The following CUEDC1 variants were observed in gnomAD, a reference collection of about 807,000 sequenced individuals.
CUEDC1 encodes the protein CUE domain-containing protein 1.
CUEDC1 carries 30 observed loss-of-function variants against 43.7 expected under a neutral mutation model. That is an observed-to-expected ratio of 0.69 (90% CI 0.51 to 0.93). CUEDC1 has a LOEUF of 0.93. CUEDC1 is among the 40% of genes least tolerant of loss of function. CUEDC1 has a pLI of 0.00. For synonymous variants in CUEDC1, 223 were observed against 223.6 expected, an observed-to-expected ratio of 1.00 and a Z score of 0.02; for missense variants, 486 against 549.0, an observed-to-expected ratio of 0.89 and a Z score of 1.15.
At chr17:57,863,905 G>A (rs747038913) in intron 10 of CUEDC1, among the ~76,000 whole-genome samples, 7 of 150,968 alleles carry the variant, frequency 4.6e-5, no homozygotes, top group Non-Finnish European at 8.8e-5. Context: ...GGAGGCTGAG[G>A]CAGGAGAATG....
At chr17:57,939,634 T>C (rs1288532612) in intron 1 of CUEDC1, among the ~76,000 whole-genome samples, 1 of 152,098 alleles carries the variant, frequency 6.6e-6, no homozygotes, top group Non-Finnish European at 1.5e-5. Flanking sequence ...GAGGACCGCC[T>C]CTACTCCCAT....
chr17:57,872,687 C>T lies in CUEDC1; in HGVS notation c.760G>A (p.Asp254Asn), dbSNP rs773470741. 1.9e-6 allele frequency: 3 copies of T among 1,614,114 alleles called. No individual in the cohort carries two copies. The Admixed American group carries it at 5.0e-5, about 27-fold the overall frequency. The change falls in exon 5 of 11, where the codon GAC becomes AAC. Residue 254 changes from aspartate to asparagine, a missense_variant. Asp to Asn is a conservative substitution (Grantham distance 23). Transcript: ENST00000577830. ...CCTCTCTCCAGAGCGAGGAGGAAGT[C>T]GCGGTTCCGTTGCAGCTCCTTCATG... is the stretch of plus-strand genomic sequence containing the variant. ...EFMKELQRNR[D>N]FLLALERDRL...
chr17:57,927,532 A>G (rs991102609), intron 1 of CUEDC1, among the ~76,000 whole-genome samples: 1 of 152,190 alleles, frequency 6.6e-6, no homozygotes, highest in African/African-American at 2.4e-5. Context: ...AGGGCTCTCC[A>G]TGCCTGAAGC....
intron 2 of CUEDC1, among the ~76,000 whole-genome samples, chr17:57,883,857 T>C (rs918039392): frequency 6.6e-6 from 1 of 152,200 alleles, no homozygotes; most frequent in Non-Finnish European, 1.5e-5. Context: ...CATGGCTGCA[T>C]GTCCCAGATG....
At chr17:57,905,277 C>CAT (rs1555565850) in intron 1 of CUEDC1, among the ~76,000 whole-genome samples, 2,400 of 151,144 alleles carry the variant, frequency 0.016, 77 homozygotes, top group African/African-American at 0.054. Context: ...CACACACACA[C>CAT]ACACACACAC....
chr17:57,935,378 G>GAGAC, intron 1 of CUEDC1, among the ~76,000 whole-genome samples: 1 of 142,178 alleles, frequency 7.0e-6, no homozygotes, highest in South Asian at 2.3e-4. Context: ...CCTTCCATTA[G>GAGAC]ACACACACAC....
chr17:57,909,914 C>T (rs568481242), intron 1 of CUEDC1, among the ~76,000 whole-genome samples: 10 of 152,352 alleles, frequency 6.6e-5, no homozygotes, highest in Admixed American at 5.2e-4. Flanking sequence ...GAGAACCCAA[C>T]GGTCAGGCTG....
At chr17:57,951,153 C>T (rs767882869) in intron 1 of CUEDC1, among the ~76,000 whole-genome samples, 1 of 144,244 alleles carries the variant, frequency 6.9e-6, no homozygotes, top group Non-Finnish European at 1.5e-5. Context: ...ACAGTTTTTA[C>T]CAAAGATTTT....
intron 1 of CUEDC1, among the ~76,000 whole-genome samples, chr17:57,951,221 A>C (rs2075003845): frequency 6.6e-6 from 1 of 152,082 alleles, no homozygotes; most frequent in Non-Finnish European, 1.5e-5. Flanking sequence ...AATAATAATA[A>C]TAGCTTCGAT....
At chr17:57,865,970 T>C (rs911691930) in intron 10 of CUEDC1, among the ~76,000 whole-genome samples, 1 of 151,942 alleles carries the variant, frequency 6.6e-6, no homozygotes, top group African/African-American at 2.4e-5. Context: ...TTACAGGCGC[T>C]TGCCACCACG....
At position 57,862,107 on chromosome 17, in the gene CUEDC1, C is replaced by CCGAAGCCT. The variant is rs1234862975; in HGVS notation, c.*1174_*1181dup. 6.6e-6 allele frequency: 1 copy of CCGAAGCCT among 152,254 alleles called. No homozygotes were observed. The highest frequency in any genetic ancestry group is 1.5e-5 in the Non-Finnish European group (1 of 68,076). The allele number at this position is 152,254 out of a possible 1,614,324, so 9.4% of individuals were successfully genotyped here. On this transcript the variant is annotated 3_prime_UTR_variant, in exon 11 of 11. Transcript: ENST00000577830. Reference sequence around the variant, plus strand: ...CCACTCCCAACCTCCCAGAGCCGCGCCGAAGCCTCGTGCCTGCCCAGGCTT... The same window carrying CCGAAGCCT: ...CCACTCCCAACCTCCCAGAGCCGCGCCGAAGCCTCGAAGCCTCGTGCCTGCCCAGGCTT...
chr17:57,872,265 C>T (rs1306452092), intron 5 of CUEDC1, among the ~76,000 whole-genome samples: 2 of 152,254 alleles, frequency 1.3e-5, no homozygotes, highest in South Asian at 2.1e-4. Flanking sequence ...CCCGCCCTGG[C>T]CTTCATGAAC....
chr17:57,936,242 G>A (rs1165843163), intron 1 of CUEDC1, among the ~76,000 whole-genome samples: 2 of 152,312 alleles, frequency 1.3e-5, no homozygotes, highest in East Asian at 3.9e-4. Flanking sequence ...CAGGGCCCCT[G>A]AGTGCACAAG....
chr17:57,910,338 C>T (rs2074569854), intron 1 of CUEDC1, among the ~76,000 whole-genome samples: 1 of 151,912 alleles, frequency 6.6e-6, no homozygotes, highest in South Asian at 2.1e-4. Context: ...CCTGAAAGCA[C>T]ATAGGGAAAT....
intron 1 of CUEDC1, among the ~76,000 whole-genome samples, chr17:57,908,471 A>C (rs898200669): frequency 6.6e-6 from 1 of 152,166 alleles, no homozygotes; most frequent in Non-Finnish European, 1.5e-5. Flanking sequence ...CGGTTTCCTG[A>C]GGTTTAGCCA....
chr17:57,876,727 G>A (rs1397334870), intron 3 of CUEDC1, among the ~76,000 whole-genome samples: 2 of 152,240 alleles, frequency 1.3e-5, no homozygotes, highest in African/African-American at 2.4e-5. Flanking sequence ...TGGGGCAAAG[G>A]GATCTGTGCC....
Position 57,954,319 on chromosome 17 carries a change from C to G in CUEDC1, c.-316+906G>C, listed in dbSNP as rs576190908. ...CTTGTTTCTAAACTCCCAGGGAGTC[C>G]CCTCATCTTCTACTCCACTACTCCA... On this transcript the variant is annotated intron_variant, in intron 1 of 10. Transcript: ENST00000577830. This position sits in a 1 kb window ranked among gnomAD's most constrained non-coding sequence, Gnocchi z 4.3. 2.0e-5 allele frequency among the ~76,000 whole-genome samples: 3 copies of G among 152,128 alleles called. No individual in the cohort carries two copies. Among genetic ancestry groups the G allele is most frequent in the Non-Finnish European group, 4.4e-5 (3 of 68,022 alleles).
intron 8 of CUEDC1, chr17:57,867,732 G>A (rs967387775): frequency 2.0e-5 from 10 of 500,164 alleles, no homozygotes; most frequent in African/African-American, 1.7e-4. Context: ...ATAAAAAGGT[G>A]GAAAGCCGTA....
At chr17:57,895,761 G>A (rs1001500530) in intron 1 of CUEDC1, among the ~76,000 whole-genome samples, 12 of 152,170 alleles carry the variant, frequency 7.9e-5, no homozygotes, top group East Asian at 1.9e-4. Flanking sequence ...AGGAACACGC[G>A]CGTTCATGCT....
Sources: gnomAD v4.1 joint callset for allele counts (sites outside exome capture counted in the v4.1 genomes callset) on GRCh38, gnomAD v4.1.1 for gene constraint, Gnocchi (gnomAD v3.1) non-coding constraint, MANE v1.5 for transcripts, NCBI Gene and HGNC (gene_info 2026-07-23, HGNC 2026-07-21) for gene names.